Variants in NKAIN2 observed in about 807,000 individuals in gnomAD.
NKAIN2 encodes the protein sodium/potassium-transporting ATPase subunit beta-1-interacting protein 2.
NKAIN2 carries 14 observed loss-of-function variants against 32.6 expected under a neutral mutation model. The ratio of observed to expected loss-of-function variants is 0.43; its 90% CI spans 0.28 to 0.67. The LOEUF (loss-of-function observed/expected upper bound fraction) is 0.67, where lower values mean the gene tolerates loss of function less well. NKAIN2 is among the 30% of genes least tolerant of loss of function. NKAIN2 has a pLI of 0.17. For missense variants in NKAIN2, 198 were observed against 258.3 expected (o/e 0.77, Z 1.60); for synonymous variants, 80 against 87.2 (o/e 0.92, Z 0.46).
At chr6:124,351,046 A>C (rs1490583004) in intron 2 of NKAIN2, among the ~76,000 whole-genome samples, 1 of 152,222 alleles carries the variant, frequency 6.6e-6, no homozygotes, top group African/African-American at 2.4e-5. Flanking sequence ...AAAACAAGAC[A>C]TAGAAAATGC....
At chr6:124,712,362 G>A (rs1219975809) in intron 4 of NKAIN2, among the ~76,000 whole-genome samples, 1 of 98,718 alleles carries the variant, frequency 1.0e-5, no homozygotes, top group Non-Finnish European at 2.1e-5. Flanking sequence ...GGAGCTTTCT[G>A]GCTGCTTTGT....
chr6:124,673,236 C>T (rs1266615593), intron 4 of NKAIN2, among the ~76,000 whole-genome samples: 1 of 151,970 alleles, frequency 6.6e-6, no homozygotes, highest in Non-Finnish European at 1.5e-5. Flanking sequence ...CTTTTTAATG[C>T]TGAATAACAT....
chr6:124,416,935 G>A (rs532781767), intron 3 of NKAIN2, among the ~76,000 whole-genome samples: 1 of 152,228 alleles, frequency 6.6e-6, no homozygotes, highest in Admixed American at 6.5e-5. Flanking sequence ...CTCCCACTTA[G>A]CAGCAATGAA....
At chr6:123,972,403 TA>T (rs1778385299) in intron 1 of NKAIN2, among the ~76,000 whole-genome samples, 1 of 152,190 alleles carries the variant, frequency 6.6e-6, no homozygotes, top group African/African-American at 2.4e-5. Flanking sequence ...CTGAGACAAA[TA>T]GCCTAATGGA....
chr6:123,880,829 C>T (rs62436090), intron 1 of NKAIN2, among the ~76,000 whole-genome samples: 1,721 of 152,238 alleles, frequency 0.011, 26 homozygotes, highest in Non-Finnish European at 0.019. Context: ...TCTTCAATTC[C>T]TATGCAACTG....
intron 3 of NKAIN2, among the ~76,000 whole-genome samples, chr6:124,650,188 A>AG (rs576711538): frequency 6.6e-6 from 1 of 152,180 alleles, no homozygotes; most frequent in Non-Finnish European, 1.5e-5. Flanking sequence ...CAGATTAGGA[A>AG]GGAAGAGATA....
chr6:123,887,153 G>A (rs2114356061), intron 1 of NKAIN2, among the ~76,000 whole-genome samples: 1 of 151,532 alleles, frequency 6.6e-6, no homozygotes, highest in South Asian at 2.1e-4. Flanking sequence ...ATTAACTAAT[G>A]ACATTAACTA....
At chr6:124,298,868 A>G (rs1402344581) in intron 2 of NKAIN2, among the ~76,000 whole-genome samples, 3 of 152,138 alleles carry the variant, frequency 2.0e-5, no homozygotes, top group Non-Finnish European at 2.9e-5. Flanking sequence ...GCCCTCAGAG[A>G]ACAGTGTGAT....
At chr6:123,960,622 A>G (rs888977181) in intron 1 of NKAIN2, among the ~76,000 whole-genome samples, 2 of 151,388 alleles carry the variant, frequency 1.3e-5, no homozygotes, top group African/African-American at 4.8e-5. Context: ...CCCCACTCCC[A>G]TCTCTTCATG....
rs117912753 is a variant in NKAIN2 at position 124,108,990 on chromosome 6, G to A, written c.55-174015G>A. On this transcript the variant is annotated intron_variant, in intron 1 of 6. Coordinates refer to ENST00000368417, the MANE Select transcript of NKAIN2 (RefSeq NM_001040214.3). The stretch of plus-strand genomic sequence containing the variant: ...TAAGTACTGTATTTTGAAGTCTGAG[G>A]CCTCAAAATTTATTTTTCTTTCTCA... 5.3e-4 allele frequency among the ~76,000 whole-genome samples: 80 copies of A among 151,990 alleles called. No homozygotes were observed. The East Asian group carries it at 0.014, about 27-fold the overall frequency.
At chr6:124,665,109 A>G (rs1179273508) in intron 4 of NKAIN2, among the ~76,000 whole-genome samples, 2 of 152,184 alleles carry the variant, frequency 1.3e-5, no homozygotes, top group Admixed American at 6.5e-5. Context: ...TACAGATTCA[A>G]TGCAATGTTT....
chr6:124,210,807 T>G (rs955021289), intron 1 of NKAIN2, among the ~76,000 whole-genome samples: 9 of 151,954 alleles, frequency 5.9e-5, no homozygotes, highest in Non-Finnish European at 1.0e-4. Context: ...GTTCTACAAC[T>G]TTACTGAACT....
intron 4 of NKAIN2, among the ~76,000 whole-genome samples, chr6:124,660,136 C>A (rs9388351): frequency 0.38 from 58,234 of 151,802 alleles, 11,303 homozygotes; most frequent in African/African-American, 0.44. Flanking sequence ...GATAAAATAT[C>A]TTTATATATG....
intron 1 of NKAIN2, among the ~76,000 whole-genome samples, chr6:123,997,796 G>C (rs1244772798): frequency 4.6e-5 from 7 of 151,768 alleles, no homozygotes; most frequent in Non-Finnish European, 7.4e-5. Flanking sequence ...GTAGAGGCAG[G>C]GTTTCACCGT....
chr6:124,618,386 G>A (rs1782985947), intron 3 of NKAIN2, among the ~76,000 whole-genome samples: 1 of 152,180 alleles, frequency 6.6e-6, no homozygotes, highest in Non-Finnish European at 1.5e-5. Flanking sequence ...GCTGAGGCAG[G>A]AGAATCGCTT....
intron 1 of NKAIN2, among the ~76,000 whole-genome samples, chr6:124,178,577 A>G (rs919490456): frequency 1.3e-5 from 2 of 152,164 alleles, no homozygotes; most frequent in African/African-American, 4.8e-5. Context: ...GATTACAGGC[A>G]TGAGCCACCA....
At chr6:124,794,309 C>T (rs1779903501) in intron 5 of NKAIN2, among the ~76,000 whole-genome samples, 1 of 152,154 alleles carries the variant, frequency 6.6e-6, no homozygotes, top group South Asian at 2.1e-4. Context: ...CAGAAAAAAG[C>T]ACTTGATATT....
chr6:123,905,637 C>T (rs1774829156), intron 1 of NKAIN2, among the ~76,000 whole-genome samples: 1 of 152,116 alleles, frequency 6.6e-6, no homozygotes, highest in Admixed American at 6.5e-5. Flanking sequence ...ACTGTGATAG[C>T]TTATGGGTAA....
At chr6:123,933,571 T>G (rs1776364328) in intron 1 of NKAIN2, among the ~76,000 whole-genome samples, 2 of 152,220 alleles carry the variant, frequency 1.3e-5, no homozygotes, top group African/African-American at 4.8e-5. Flanking sequence ...GTCTTTCTCT[T>G]TCCTTCTCTG....
Sources: gnomAD v4.1 joint callset for allele counts (sites outside exome capture counted in the v4.1 genomes callset) on GRCh38, gnomAD v4.1.1 for gene constraint, MANE v1.5 for transcripts, NCBI Gene and HGNC (gene_info 2026-07-23, HGNC 2026-07-21) for gene names.